The following KIF26B variants were observed in gnomAD, a reference collection of about 807,000 sequenced individuals.
KIF26B encodes the protein kinesin-like protein KIF26B.
In KIF26B, 63 loss-of-function variants were observed where a neutral mutation model predicts 151.2. That is an observed-to-expected ratio of 0.42 (90% CI 0.34 to 0.51). The LOEUF is 0.51. KIF26B is among the 20% of genes least tolerant of loss of function. KIF26B has a pLI of 0.07. For missense variants in KIF26B, 2,813 were observed against 2,913.6 expected, an observed-to-expected ratio of 0.97 and a Z score of 0.79; for synonymous variants, 1,357 against 1,262.1, an observed-to-expected ratio of 1.08 and a Z score of -1.59.
At chr1:245,633,136 G>A (rs183558641) in intron 9 of KIF26B, among the ~76,000 whole-genome samples, 131 of 151,868 alleles carry the variant, frequency 8.6e-4, no homozygotes, top group African/African-American at 3.1e-3. Flanking sequence ...GGCTAACATT[G>A]TATTTTGTCT....
At chr1:245,392,115 C>T (rs1191401703) in intron 3 of KIF26B, among the ~76,000 whole-genome samples, 21 of 151,036 alleles carry the variant, frequency 1.4e-4, no homozygotes, top group Non-Finnish European at 2.9e-5. Context: ...CTCTCTGGGG[C>T]TCTCCGTAAT....
In KIF26B at chr1:245,455,142, C is replaced by T. The variant is rs146658057; in HGVS notation, c.1166+35397C>T. 8.5e-5 allele frequency among the ~76,000 whole-genome samples: 13 copies of T among 152,322 alleles called. No individual in the cohort carries two copies. The East Asian group carries it at 2.5e-3, about 29-fold the overall frequency. ...TGCATTGGTATCCGATCTCTCCCTG[C>T]ACCACCCCTTGCTCGATTTTAATTG... On this transcript the variant is annotated intron_variant, in intron 4 of 14. Coordinates refer to ENST00000407071, the MANE Select transcript of KIF26B (RefSeq NM_018012.4).
intron 3 of KIF26B, among the ~76,000 whole-genome samples, chr1:245,388,061 G>T (rs1252119393): frequency 6.6e-6 from 1 of 152,206 alleles, no homozygotes; most frequent in African/African-American, 2.4e-5. Flanking sequence ...CTCCCTGGTG[G>T]CTCATCTCTG....
At chr1:245,202,615 C>A (rs550776049) in intron 2 of KIF26B, among the ~76,000 whole-genome samples, 170 of 152,190 alleles carry the variant, frequency 1.1e-3, no homozygotes, top group African/African-American at 3.8e-3. Flanking sequence ...AAAAAATTAG[C>A]CGGACGTGGT....
At chr1:245,361,933 G>A (rs1415398437) in intron 2 of KIF26B, among the ~76,000 whole-genome samples, 3 of 151,530 alleles carry the variant, frequency 2.0e-5, no homozygotes, top group African/African-American at 4.9e-5. Context: ...TTCCCCACCC[G>A]GAGCCATGGG....
rs1371884383 is a variant in KIF26B at position 245,499,924 on chromosome 1, C to A, written c.1167-40843C>A. On this transcript the variant is annotated intron_variant, in intron 4 of 14. Coordinates refer to ENST00000407071, the MANE Select transcript of KIF26B (RefSeq NM_018012.4). ...ACTTTCCTAAGGGAGACATTCTCCCCCTTCTAGGAATTTGCTGAGGGTTGG... is the reference window on the plus strand; with the variant it reads ...ACTTTCCTAAGGGAGACATTCTCCCACTTCTAGGAATTTGCTGAGGGTTGG... Among the ~76,000 whole-genome samples the A allele has an allele frequency of 3.3e-5, 5 of 152,318 alleles. No homozygotes were observed. In the South Asian group the frequency reaches 8.3e-4, roughly 25 times the overall value.
At chr1:245,246,192 G>A (rs1287592756) in intron 2 of KIF26B, among the ~76,000 whole-genome samples, 1 of 152,070 alleles carries the variant, frequency 6.6e-6, no homozygotes, top group African/African-American at 2.4e-5. Flanking sequence ...CCGAATAAAG[G>A]ACTTAAAAAT....
intron 2 of KIF26B, among the ~76,000 whole-genome samples, chr1:245,198,947 G>A (rs1020321502): frequency 2.6e-5 from 4 of 151,858 alleles, no homozygotes; most frequent in South Asian, 2.1e-4. Context: ...CGGCAGCGTC[G>A]GGGGAGGCGG....
intron 2 of KIF26B, among the ~76,000 whole-genome samples, chr1:245,365,515 C>CCG (rs1672925460): frequency 1.3e-5 from 2 of 150,736 alleles, no homozygotes; most frequent in African/African-American, 5.0e-5. Flanking sequence ...CTCACAACTC[C>CCG]CCCCCACCAG....
chr1:245,504,721 T>TGA (rs1660697278), intron 4 of KIF26B, among the ~76,000 whole-genome samples: 1 of 151,952 alleles, frequency 6.6e-6, no homozygotes, highest in Admixed American at 6.6e-5. Context: ...ATTACAGGTG[T>TGA]GAGCCACTGT....
At chr1:245,679,586 G>A (rs1303712482) in intron 10 of KIF26B, among the ~76,000 whole-genome samples, 6 of 148,734 alleles carry the variant, frequency 4.0e-5, no homozygotes, top group African/African-American at 5.0e-5. Flanking sequence ...CTCCTGCCTC[G>A]GCCTCCTGAG....
chr1:245,509,108 G>A (rs998210586), intron 4 of KIF26B, among the ~76,000 whole-genome samples: 12 of 152,194 alleles, frequency 7.9e-5, no homozygotes, highest in East Asian at 1.9e-4. Flanking sequence ...ATTTATGCAC[G>A]TGGAGTAGCT....
In KIF26B at chr1:245,239,669, A is replaced by G. The variant is rs1428533435; in HGVS notation, c.465+82986A>G. ...CAGGTGCCCGCCACCACGCCTGGCT[A>G]ATTTTTTGTATTTTTAGTAGAGACG... On this transcript the variant is annotated intron_variant, in intron 2 of 14. Transcript: ENST00000407071. This position sits in a 1 kb window ranked among gnomAD's most constrained non-coding sequence, Gnocchi z 4.3. Among the ~76,000 whole-genome samples the G allele has an allele frequency of 6.6e-6, 1 of 151,906 alleles. No individual in the cohort carries two copies. Among genetic ancestry groups the G allele is most frequent in the Non-Finnish European group, 1.5e-5 (1 of 67,992 alleles).
chr1:245,207,985 G>A lies in KIF26B; in HGVS notation c.465+51302G>A, dbSNP rs573707517. 2.6e-4 allele frequency among the ~76,000 whole-genome samples: 39 copies of A among 152,280 alleles called. No individual in the cohort carries two copies. The South Asian group carries it at 3.7e-3, about 15-fold the overall frequency. On this transcript the variant is annotated intron_variant, in intron 2 of 14. Coordinates refer to ENST00000407071, the MANE Select transcript of KIF26B (RefSeq NM_018012.4). Reference sequence around the variant, plus strand: ...GCTGCAAAACCATCTGGAAGCCCCCGCGGAGGTGGGCTGTGTGCCCGAGCC... The same window carrying A: ...GCTGCAAAACCATCTGGAAGCCCCCACGGAGGTGGGCTGTGTGCCCGAGCC...
At chr1:245,483,126 C>T (rs1660204610) in intron 4 of KIF26B, among the ~76,000 whole-genome samples, 1 of 151,690 alleles carries the variant, frequency 6.6e-6, no homozygotes, top group South Asian at 2.1e-4. Flanking sequence ...CTCCAGATCT[C>T]ACAGGGTTTC....
intron 9 of KIF26B, among the ~76,000 whole-genome samples, chr1:245,628,947 C>T (rs554773789): frequency 1.2e-4 from 18 of 152,284 alleles, no homozygotes; most frequent in African/African-American, 3.8e-4. Flanking sequence ...CATTCCTATA[C>T]ACCAACAACA....
At chr1:245,161,977 G>A (rs1668538780) in intron 2 of KIF26B, among the ~76,000 whole-genome samples, 1 of 152,174 alleles carries the variant, frequency 6.6e-6, no homozygotes, top group South Asian at 2.1e-4. Context: ...GCAAGGGGCG[G>A]GGGGAAGGAA....
At chr1:245,377,635 CAGAT>C (rs1673308331) in intron 3 of KIF26B, among the ~76,000 whole-genome samples, 1 of 152,136 alleles carries the variant, frequency 6.6e-6, no homozygotes, top group Non-Finnish European at 1.5e-5. Flanking sequence ...GACAGACAGA[CAGAT>C]AACTAGCTAG....
At chr1:245,329,754 TAAAC>T (rs1672063057) in intron 2 of KIF26B, among the ~76,000 whole-genome samples, 1 of 152,168 alleles carries the variant, frequency 6.6e-6, no homozygotes, top group African/African-American at 2.4e-5. Context: ...CGTTGTTAAA[TAAAC>T]AATAGAGTGA....
Sources: gnomAD v4.1 joint callset for allele counts (sites outside exome capture counted in the v4.1 genomes callset) on GRCh38, gnomAD v4.1.1 for gene constraint, Gnocchi (gnomAD v3.1) non-coding constraint, MANE v1.5 for transcripts, NCBI Gene and HGNC (gene_info 2026-07-23, HGNC 2026-07-21) for gene names.